KCNMA1: variants seen among roughly 807,000 people sequenced by gnomAD.
KCNMA1 encodes the protein potassium calcium-activated channel subfamily M alpha 1, also known as Calcium-activated potassium channel subunit alpha-1.
Under a neutral mutation model 140.0 loss-of-function variants are expected in KCNMA1, and 29 were observed. The observed-to-expected ratio is 0.21, with a 90% CI of 0.15 to 0.28. KCNMA1 has a LOEUF of 0.28. KCNMA1 is among the 10% of genes least tolerant of loss of function. The probability of loss-of-function intolerance (pLI) is 1.00; values close to 1 mark genes in which losing one functional copy is unlikely to be tolerated. For missense variants in KCNMA1, 880 were observed against 1,602.2 expected (o/e 0.55, Z 7.70); for synonymous variants, 612 against 611.9 (o/e 1.00, Z 0.00).
chr10:77,191,184 GAC>G (rs1372035607), intron 3 of KCNMA1, among the ~76,000 whole-genome samples: 1 of 152,096 alleles, frequency 6.6e-6, no homozygotes, highest in Non-Finnish European at 1.5e-5. Context: ...AATATTATGA[GAC>G]AGACTAATTT....
chr10:76,885,904 C>G lies in KCNMA1; in HGVS notation c.*1362G>C. The G allele has an allele frequency of 1.0e-6, 1 of 985,416 alleles. No homozygotes were observed. The allele number at this position is 985,416 out of a possible 1,614,324, so 61.0% of individuals were successfully genotyped here. A position where few individuals can be genotyped will look rare whatever the true frequency, so the allele number is the denominator to read the frequency against. On this transcript the variant is annotated 3_prime_UTR_variant, in exon 28 of 28. Transcript: ENST00000286628. The stretch of plus-strand genomic sequence containing the variant: ...AATGTGTTTGGCTCACTGTTGCACT[C>G]TTCTTATCCCACGTCTCATAATGAC...
intron 2 of KCNMA1, among the ~76,000 whole-genome samples, chr10:77,261,862 C>T (rs2062097639): frequency 6.6e-6 from 1 of 152,136 alleles, no homozygotes; most frequent in Admixed American, 6.5e-5. Context: ...GTGGAGCGCT[C>T]AAGTTTGCAG....
chr10:77,285,306 T>G (rs974141155), intron 2 of KCNMA1, among the ~76,000 whole-genome samples: 2 of 152,232 alleles, frequency 1.3e-5, no homozygotes, highest in African/African-American at 2.4e-5. Flanking sequence ...AAAGTTTTTT[T>G]TTTAATCTTC....
Position 77,601,212 on chromosome 10 carries a change from G to A in KCNMA1, c.378+36053C>T, listed in dbSNP as rs566067673. 2.0e-5 allele frequency among the ~76,000 whole-genome samples: 3 copies of A among 152,286 alleles called. No homozygotes were observed. In the South Asian group the frequency reaches 6.2e-4, roughly 32 times the overall value. ...GGTCTCGGCAGAGAAGGTCACTGGGGCTCACGTGGGGAAGGTTCTGCCTGA... is the reference window on the plus strand; with the variant it reads ...GGTCTCGGCAGAGAAGGTCACTGGGACTCACGTGGGGAAGGTTCTGCCTGA... On this transcript the variant is annotated intron_variant, in intron 1 of 27. Transcript: ENST00000286628.
intron 3 of KCNMA1, among the ~76,000 whole-genome samples, chr10:77,225,710 T>C (rs539096529): frequency 6.6e-6 from 1 of 152,274 alleles, no homozygotes; most frequent in East Asian, 1.9e-4. Context: ...CTTCTTCCTG[T>C]GGCCCCAGGA....
At chr10:77,403,245 G>T (rs192152473) in intron 2 of KCNMA1, among the ~76,000 whole-genome samples, 1 of 152,274 alleles carries the variant, frequency 6.6e-6, no homozygotes, top group African/African-American at 2.4e-5. Context: ...CCTGGTTGCA[G>T]GTGGGCTTAG....
intron 5 of KCNMA1, among the ~76,000 whole-genome samples, chr10:77,127,419 T>A (rs1432083784): frequency 6.6e-6 from 1 of 152,128 alleles, no homozygotes; most frequent in East Asian, 1.9e-4. Context: ...AGCCAGTCAT[T>A]TCCAATTCAG....
chr10:77,158,426 T>C (rs2098514303), intron 5 of KCNMA1, among the ~76,000 whole-genome samples: 1 of 152,158 alleles, frequency 6.6e-6, no homozygotes, highest in South Asian at 2.1e-4. Context: ...AGGTGCAGCC[T>C]GGACCACAAG....
chr10:77,630,268 C>T (rs2093026238), intron 1 of KCNMA1, among the ~76,000 whole-genome samples: 1 of 152,186 alleles, frequency 6.6e-6, no homozygotes, highest in African/African-American at 2.4e-5. Flanking sequence ...ACACCACCAG[C>T]CTTTAATTTT....
intron 5 of KCNMA1, among the ~76,000 whole-genome samples, chr10:77,155,736 A>T (rs2098475521): frequency 6.6e-6 from 1 of 152,214 alleles, no homozygotes; most frequent in Admixed American, 6.5e-5. Context: ...CTGGGTGAGT[A>T]CTGAACACTT....
intron 6 of KCNMA1, among the ~76,000 whole-genome samples, chr10:77,118,081 AT>A (rs1254732986): frequency 6.6e-6 from 1 of 152,250 alleles, no homozygotes; most frequent in Non-Finnish European, 1.5e-5. Context: ...CCAAATCATT[AT>A]TTCAAATTGC....
chr10:77,096,598 T>C (rs2096939045), intron 9 of KCNMA1, among the ~76,000 whole-genome samples: 1 of 152,206 alleles, frequency 6.6e-6, no homozygotes, highest in Non-Finnish European at 1.5e-5. Flanking sequence ...AGCTCTGGGC[T>C]GTTTATTTTT....
chr10:77,392,674 T>C (rs769398740), intron 2 of KCNMA1, among the ~76,000 whole-genome samples: 11 of 152,232 alleles, frequency 7.2e-5, no homozygotes, highest in Non-Finnish European at 4.4e-5. Flanking sequence ...GATGGAGGAA[T>C]AGCTCAGAGG....
intron 25 of KCNMA1, chr10:76,902,716 T>C (rs991411088): frequency 2.0e-5 from 3 of 152,228 alleles, no homozygotes; most frequent in African/African-American, 7.2e-5. Context: ...TTTTAATACC[T>C]GCTTTGCTAT....
intron 19 of KCNMA1, chr10:76,979,729 C>G (rs2078839371): frequency 6.6e-6 from 1 of 152,200 alleles, no homozygotes; most frequent in South Asian, 2.1e-4. Context: ...AATACCATAT[C>G]TTCCATTGAG....
At chr10:77,519,810 G>A (rs953904116) in intron 1 of KCNMA1, among the ~76,000 whole-genome samples, 20 of 152,250 alleles carry the variant, frequency 1.3e-4, no homozygotes, top group Non-Finnish European at 2.1e-4. Flanking sequence ...TTTGGTGCAA[G>A]TGACAGTCAG....
At chr10:77,580,993 A>G (rs915090729) in intron 1 of KCNMA1, among the ~76,000 whole-genome samples, 1 of 152,224 alleles carries the variant, frequency 6.6e-6, no homozygotes, top group African/African-American at 2.4e-5. Flanking sequence ...AACCTGTGCC[A>G]TCATACAGGT....
intron 2 of KCNMA1, among the ~76,000 whole-genome samples, chr10:77,391,446 G>C (rs1184517000): frequency 1.3e-5 from 2 of 152,152 alleles, no homozygotes; most frequent in Admixed American, 1.3e-4. Flanking sequence ...AGAGGCTTGG[G>C]TACATTTAAT....
At chr10:77,260,711 A>AAAAC (rs1056934556) in intron 2 of KCNMA1, among the ~76,000 whole-genome samples, 2 of 152,222 alleles carry the variant, frequency 1.3e-5, no homozygotes, top group Non-Finnish European at 2.9e-5. Flanking sequence ...TCCATCTCAA[A>AAAAC]AAACAAACAA....
Sources: allele counts gnomAD v4.1 joint callset (sites outside exome capture counted in the v4.1 genomes callset), GRCh38; gene constraint gnomAD v4.1.1; transcripts MANE v1.5; gene names NCBI Gene and HGNC (gene_info 2026-07-23, HGNC 2026-07-21).